Variants in MKX observed in about 807,000 individuals in gnomAD.
MKX encodes mohawk homeobox.
Under a neutral mutation model 36.0 loss-of-function variants are expected in MKX, and 13 were observed. That is an observed-to-expected ratio of 0.36 (90% CI 0.24 to 0.57). The LOEUF (loss-of-function observed/expected upper bound fraction) is 0.57, where lower values mean the gene tolerates loss of function less well. Ranked by LOEUF, MKX falls within the 20% of genes least tolerant of loss-of-function variation. MKX has a pLI of 0.79. For synonymous variants in MKX, 176 were observed against 178.3 expected (o/e 0.99, Z 0.10); for missense variants, 458 against 456.4 (o/e 1.00, Z -0.03).
At chr10:27,687,336 G>A (rs1006096228) in intron 5 of MKX, among the ~76,000 whole-genome samples, 2 of 152,184 alleles carry the variant, frequency 1.3e-5, no homozygotes, top group African/African-American at 2.4e-5. Context: ...ACAGTGAAGA[G>A]CTCCCTAGTT....
chr10:27,680,258 G>T (rs573142218), intron 5 of MKX, among the ~76,000 whole-genome samples: 4 of 151,388 alleles, frequency 2.6e-5, no homozygotes, highest in East Asian at 1.9e-4. Flanking sequence ...AGATTCCAAG[G>T]TTCCAAAAAT....
chr10:27,685,297 G>T (rs1220960896), intron 5 of MKX, among the ~76,000 whole-genome samples: 4 of 152,100 alleles, frequency 2.6e-5, no homozygotes, highest in Non-Finnish European at 1.5e-5. Flanking sequence ...TGTACTTTTT[G>T]CTAGGATATT....
At chr10:27,716,436 C>CCAA (rs1836965706) in intron 5 of MKX, among the ~76,000 whole-genome samples, 2 of 127,674 alleles carry the variant, frequency 1.6e-5, no homozygotes, top group Non-Finnish European at 3.2e-5. Flanking sequence ...AAAAAAAAAG[C>CCAA]AAAAAAAAAA....
intron 5 of MKX, among the ~76,000 whole-genome samples, chr10:27,691,283 G>T (rs1298654523): frequency 6.6e-6 from 1 of 152,170 alleles, no homozygotes; most frequent in African/African-American, 2.4e-5. Context: ...GTAGGTAATA[G>T]CTATGGCACT....
rs1049483800 is a variant in MKX, at chr10:27,692,338, T to C, written c.839-16784A>G. Among the ~76,000 whole-genome samples, 8 of 152,360 alleles carry C rather than the reference T, an allele frequency of 5.3e-5. No homozygotes were observed. The South Asian group carries it at 1.4e-3, about 28-fold the overall frequency. On this transcript the variant is annotated intron_variant, in intron 5 of 6. Transcript: ENST00000419761. ...AGTTCTTACAATTTTTGCTAGGCTA[T>C]GACATATAAATCTGGGAGAATTATT...
intron 1 of MKX, among the ~76,000 whole-genome samples, chr10:27,743,724 C>T (rs1054814079): frequency 6.6e-6 from 1 of 152,246 alleles, no homozygotes; most frequent in African/African-American, 2.4e-5. Flanking sequence ...GGCGATCGAT[C>T]CCCCCAATCC....
At position 27,673,774 on chromosome 10, in the gene MKX, G is replaced by C. The variant is rs1836091225; in HGVS notation, c.*1455C>G. On this transcript the variant is annotated 3_prime_UTR_variant, in exon 7 of 7. Coordinates refer to ENST00000419761, the MANE Select transcript of MKX (RefSeq NM_173576.3). ...CAAGACTGATACTGTCCATCAACTAGAGCAGCCTTTGGTTTTAAAAGCATT... is the reference window on the plus strand; with the variant it reads ...CAAGACTGATACTGTCCATCAACTACAGCAGCCTTTGGTTTTAAAAGCATT... The C allele has an allele frequency of 2.6e-5, 4 of 152,230 alleles. No individual in the cohort carries two copies. The South Asian group carries it at 6.2e-4, about 24-fold the overall frequency. The allele number at this position is 152,230 out of a possible 1,614,324, so 9.4% of individuals were successfully genotyped here. A position where few individuals can be genotyped will look rare whatever the true frequency, so the allele number is the denominator to read the frequency against.
chr10:27,709,297 C>T (rs938320600), intron 5 of MKX, among the ~76,000 whole-genome samples: 5 of 152,030 alleles, frequency 3.3e-5, no homozygotes, highest in African/African-American at 4.8e-5. Flanking sequence ...GTATTAGGTA[C>T]TATAAGTGAT....
chr10:27,732,358 A>G (rs900392501), intron 5 of MKX, among the ~76,000 whole-genome samples: 3 of 152,146 alleles, frequency 2.0e-5, no homozygotes, highest in African/African-American at 7.2e-5. Context: ...TTTCTTGTTT[A>G]TGAACTTTTA....
intron 5 of MKX, among the ~76,000 whole-genome samples, chr10:27,691,899 A>T (rs7904322): frequency 0.039 from 6,004 of 152,182 alleles, 369 homozygotes; most frequent in African/African-American, 0.13. Context: ...CTTTTTTATG[A>T]CTGTGTAGTG....
At chr10:27,675,579 T>G (rs1295319667) in intron 5 of MKX, 25 bp from the exon 6 acceptor site, 1 of 1,608,800 alleles carries the variant, frequency 6.2e-7, no homozygotes. Flanking sequence ...AAAAATTCAA[T>G]TATTTTTATG....
chr10:27,694,670 G>T (rs914604506), intron 5 of MKX, among the ~76,000 whole-genome samples: 1 of 143,526 alleles, frequency 7.0e-6, no homozygotes, highest in Admixed American at 7.1e-5. Context: ...ACTCCAGCCT[G>T]GGCGACAGAG....
intron 5 of MKX, among the ~76,000 whole-genome samples, chr10:27,728,347 C>A (rs1319679667): frequency 3.3e-5 from 5 of 152,164 alleles, no homozygotes; most frequent in Non-Finnish European, 5.9e-5. Context: ...TTTTAAGCTA[C>A]CCCCCAAAAC....
At position 27,741,499 on chromosome 10, in the gene MKX, C is replaced by T. The variant is rs759761508; in HGVS notation, c.194G>A (p.Arg65Gln). 1.9e-6 allele frequency: 3 copies of T among 1,590,394 alleles called. No homozygotes were observed. Among genetic ancestry groups the T allele is most frequent in the Non-Finnish European group, 2.6e-6 (3 of 1,170,852 alleles). Residue 65 changes from arginine to glutamine, a missense_variant, in exon 3 of 7, where the codon CGG becomes CAG. By Grantham distance (43) the Arg-to-Gln change is conservative (BLOSUM62 1). Around this residue, in one of 3 missense-constraint regions of MKX, gnomAD observed 149 missense variants for 114.3 expected, o/e 1.30. Transcript: ENST00000419761. The surrounding 1 kb of genome is among the most constrained non-coding windows in gnomAD (Gnocchi z 5.1). The stretch of plus-strand genomic sequence containing the variant: ...GTGCCTCACCTTCCCGCCATTCTGC[C>T]GGGCGCTGGGACATGGGGAGAGGAG... Reference protein sequence around the residue: ...LGLRHRRTGARQNGGKVRHKR... With the variant: ...LGLRHRRTGAQQNGGKVRHKR...
At chr10:27,739,773 A>G (rs1473739135) in intron 3 of MKX, among the ~76,000 whole-genome samples, 1 of 152,204 alleles carries the variant, frequency 6.6e-6, no homozygotes. Context: ...ATCAGCCAAA[A>G]TAACCTAGTG....
chr10:27,708,627 G>A (rs1382370359), intron 5 of MKX, among the ~76,000 whole-genome samples: 1 of 151,934 alleles, frequency 6.6e-6, no homozygotes, highest in African/African-American at 2.4e-5. Flanking sequence ...TACTTGGGAG[G>A]CTGAGGCAAG....
chr10:27,675,284 G>A lies in MKX; in HGVS notation c.1004C>T (p.Ser335Leu), dbSNP rs1408537164. 2 of 1,613,992 alleles carry A rather than the reference G, an allele frequency of 1.2e-6. No homozygotes were observed. The highest frequency in any genetic ancestry group is 1.7e-6 in the Non-Finnish European group (2 of 1,180,008). The stretch of plus-strand genomic sequence containing the variant: ...AGTCTTTACTTCTGCTATATGGGAC[G>A]ACTTCTGGATGATGCAGCTGGTAGT... Reference protein sequence around the residue: ...QGTTSCIIQKSSHIAEVKTVK... With the variant: ...QGTTSCIIQKLSHIAEVKTVK... The change falls in exon 7 of 7, where the codon TCG becomes TTG. Residue 335 changes from serine to leucine, a missense_variant. Physicochemically the swap from Ser to Leu is moderately radical, Grantham distance 145 (BLOSUM62 -2). Coordinates refer to ENST00000419761, the MANE Select transcript of MKX (RefSeq NM_173576.3).
chr10:27,719,902 T>C (rs1262023075), intron 5 of MKX, among the ~76,000 whole-genome samples: 1 of 151,316 alleles, frequency 6.6e-6, no homozygotes, highest in Non-Finnish European at 1.5e-5. Flanking sequence ...GGTAGGAGGA[T>C]TGTTTGAGCC....
Position 27,741,409 on chromosome 10 carries a change from T to A in MKX, c.284A>T (p.Asn95Ile). The A allele has an allele frequency of 6.2e-7, 1 of 1,613,202 alleles. No individual in the cohort carries two copies. Among genetic ancestry groups the A allele is most frequent in the Non-Finnish European group, 8.5e-7 (1 of 1,179,620 alleles). Residue 95 changes from asparagine to isoleucine, a missense_variant, in exon 3 of 7, where the codon AAC (asparagine) becomes ATC (isoleucine). Coordinates refer to ENST00000419761, the MANE Select transcript of MKX (RefSeq NM_173576.3). The surrounding 1 kb of genome is among the most constrained non-coding windows in gnomAD (Gnocchi z 5.1). ...LKQWLYKHRD[N>I]PYPTKTEKIL... ...CTTCTCGGTCTTGGTGGGGTACGGG[T>A]TGTCACGGTGCTTGTAAAGCCACTG...
Sources: gnomAD v4.1 joint callset for allele counts (sites outside exome capture counted in the v4.1 genomes callset) on GRCh38, gnomAD v4.1.1 for gene constraint, gnomAD v4.1.1 regional missense constraint, Gnocchi (gnomAD v3.1) non-coding constraint, MANE v1.5 for transcripts, NCBI Gene and HGNC (gene_info 2026-07-23, HGNC 2026-07-21) for gene names.